The following RAPGEFL1 variants were observed in gnomAD, a reference collection of about 807,000 sequenced individuals.
The protein encoded by RAPGEFL1 is Rap guanine nucleotide exchange factor like 1.
Under a neutral mutation model 64.4 loss-of-function variants are expected in RAPGEFL1, and 31 were observed. That is an observed-to-expected ratio of 0.48 (90% CI 0.36 to 0.65). The LOEUF (loss-of-function observed/expected upper bound fraction) is 0.65, where lower values mean the gene tolerates loss of function less well. RAPGEFL1 is among the 30% of genes least tolerant of loss of function. RAPGEFL1 has a pLI of 0.00. For missense variants in RAPGEFL1, 682 were observed against 677.4 expected (o/e 1.01, Z -0.08); for synonymous variants, 331 against 274.1 (o/e 1.21, Z -2.05).
rs371505694 is a variant in RAPGEFL1 at position 40,184,630 on chromosome 17, G to A, written c.785G>A (p.Arg262Gln). The A allele has an allele frequency of 3.9e-5, 62 of 1,593,772 alleles. No individual in the cohort carries two copies. Among genetic ancestry groups the A allele is most frequent in the Non-Finnish European group, 5.1e-5 (59 of 1,165,752 alleles). Residue 262 changes from arginine (R) to glutamine (Q), a missense_variant, in exon 4 of 15, where the codon CGA becomes CAA. Physicochemically the swap from Arg to Gln is conservative, Grantham distance 43 (BLOSUM62 1). This residue lies in a region of RAPGEFL1 where 271 missense variants were observed against 158.0 expected (regional missense o/e 1.72). Transcript: ENST00000620260. ...GACGAGTCCCTTTACCAGGGCCTCC[G>A]AGAGGACACTCTGAGGCTGCACCAG... is the stretch of plus-strand genomic sequence containing the variant. Reference protein sequence around the residue: ...MKDESLYQGLREDTLRLHQLV... With the variant: ...MKDESLYQGLQEDTLRLHQLV...
intron 8 of RAPGEFL1, 69 bp downstream of exon 8, chr17:40,190,831 G>A (rs1016513153): frequency 3.2e-6 from 5 of 1,586,422 alleles, no homozygotes; most frequent in South Asian, 1.1e-5. Context: ...GACGGTGTTC[G>A]CAGCACAACG....
At chr17:40,186,295 G>A (rs1598441628) in intron 4 of RAPGEFL1, among the ~76,000 whole-genome samples, 1 of 149,214 alleles carries the variant, frequency 6.7e-6, no homozygotes, top group African/African-American at 2.5e-5. Flanking sequence ...AAGGCCGGGC[G>A]CGGTGGCTCA....
In RAPGEFL1 at chr17:40,194,267, G is replaced by A; in HGVS notation, c.*479G>A. The stretch of plus-strand genomic sequence containing the variant: ...TGTGTGTGTGTGTGTGTGTGTGTGT[G>A]TGTGTGTGTGTGTGTGTGTGTGTCT... On this transcript the variant is annotated 3_prime_UTR_variant, in exon 15 of 15. Transcript: ENST00000620260. 5.9e-6 allele frequency: 1 copy of A among 169,508 alleles called. No individual in the cohort carries two copies. The highest frequency in any genetic ancestry group is 1.7e-4 in the East Asian group (1 of 5,996). 10.5% of individuals were successfully genotyped at this position (169,508 alleles called of 1,614,324 possible).
At chr17:40,189,411 A>G in intron 6 of RAPGEFL1, 36 bp downstream of exon 6, 2 of 1,608,750 alleles carry the variant, frequency 1.2e-6, no homozygotes, top group South Asian at 2.2e-5. Context: ...ATGCTCCGAG[A>G]GGAGAAACTC....
intron 1 of RAPGEFL1, chr17:40,181,387 C>G (rs971170510): frequency 1.1e-5 from 7 of 641,912 alleles, no homozygotes; most frequent in East Asian, 3.1e-5. Context: ...CGCGCCCCCC[C>G]CTTCCCTTCA....
At chr17:40,189,775 G>A (rs1990197527) in intron 6 of RAPGEFL1, among the ~76,000 whole-genome samples, 1 of 152,110 alleles carries the variant, frequency 6.6e-6, no homozygotes, top group South Asian at 2.1e-4. Flanking sequence ...ACCCCCCAGG[G>A]GACTCCTATG....
Position 40,192,590 on chromosome 17 carries a change from TC to T in RAPGEFL1, c.1657-14del. ...TGGCCAGTCTGTCCCTTGATCTCTC[TC>T]CTGTGGAATACTAGGACCCCTGCAG... On this transcript the variant is annotated splice_polypyrimidine_tract_variant and intron_variant, in intron 11 of 14. Coordinates refer to ENST00000620260, the MANE Select transcript of RAPGEFL1 (RefSeq NM_016339.6). The T allele has an allele frequency of 6.2e-7, 1 of 1,604,016 alleles. No homozygotes were observed. Among genetic ancestry groups the T allele is most frequent in the Non-Finnish European group, 8.5e-7 (1 of 1,171,984 alleles).
chr17:40,185,783 CAAAAAAA>C (rs750937174), intron 4 of RAPGEFL1, among the ~76,000 whole-genome samples: 19 of 48,930 alleles, frequency 3.9e-4, no homozygotes, highest in Admixed American at 2.1e-3. Context: ...GATTCTGTCT[CAAAAAAA>C]AAAAAAAAAA....
intron 11 of RAPGEFL1, 24 bp from the exon 12 acceptor site, chr17:40,192,582 G>C (rs748256726): frequency 6.3e-7 from 1 of 1,592,664 alleles, no homozygotes; most frequent in Non-Finnish European, 8.6e-7. Flanking sequence ...TCTGTCCCTT[G>C]ATCTCTCTCC....
Position 40,185,452 on chromosome 17 carries a change from G to T in RAPGEFL1, c.833+774G>T, listed in dbSNP as rs1416849819. Among the ~76,000 whole-genome samples the T allele has an allele frequency of 1.7e-4, 25 of 151,158 alleles. No homozygotes were observed. In the Admixed American group the frequency reaches 1.7e-3, roughly 10 times the overall value. On this transcript the variant is annotated intron_variant, in intron 4 of 14. Coordinates refer to ENST00000620260, the MANE Select transcript of RAPGEFL1 (RefSeq NM_016339.6). The stretch of plus-strand genomic sequence containing the variant: ...CCCAGCACTTTGGGAGGTCAAGATG[G>T]GTGGAGCACTTAAGGTCAGGAGTTC...
Position 40,184,337 on chromosome 17 carries a change from C to T in RAPGEFL1, c.723C>T (p.Gly241=), listed in dbSNP as rs772660012. The T allele has an allele frequency of 1.9e-6, 3 of 1,611,322 alleles. No homozygotes were observed. In the African/African-American group the frequency reaches 4.0e-5, roughly 22 times the overall value. The stretch of plus-strand genomic sequence containing the variant: ...TGCTTCAAGAGGAAGAGGGGGCCGG[C>T]CACATCATCAAGGTGGGCCTGGGGG... ...QGLLQEEEGA[G]HIIKDLYLLI... is the part of the protein sequence containing the mutation. The change falls in exon 3 of 15, where the codon GGC becomes GGT. Residue 241 remains glycine, a synonymous_variant. Coordinates refer to ENST00000620260, the MANE Select transcript of RAPGEFL1 (RefSeq NM_016339.6).
In RAPGEFL1 at chr17:40,186,574, C is replaced by CAAAAA. The variant is rs146110920; in HGVS notation, c.833+1927_833+1931dup. Among the ~76,000 whole-genome samples the CAAAAA allele has an allele frequency of 2.7e-3, 72 of 26,288 alleles. 2 individuals carry two copies. The highest frequency in any genetic ancestry group is 4.1e-3 in the South Asian group (1 of 246). 17.2% of individuals were successfully genotyped at this position (26,288 alleles called of 152,430 possible). A position where few individuals can be genotyped will look rare whatever the true frequency, so the allele number is the denominator to read the frequency against. ...TGGGCGACAGAGCGAGACTCCGTCT[C>CAAAAA]AAAAAAAAAAAAAAAAAAAAAAAAA... On this transcript the variant is annotated intron_variant, in intron 4 of 14. Coordinates refer to ENST00000620260, the MANE Select transcript of RAPGEFL1 (RefSeq NM_016339.6).
Position 40,188,849 on chromosome 17 carries a change from A to C in RAPGEFL1, c.834-17A>C, listed in dbSNP as rs768047720. 6.2e-7 allele frequency: 1 copy of C among 1,607,526 alleles called. No homozygotes were observed. Among genetic ancestry groups the C allele is most frequent in the South Asian group, 1.1e-5 (1 of 90,964 alleles). ...TGCCTGGCAGGGCGTGCTGATGCCC[A>C]GCTGTGTCCATGCCAGGATTCCAGA... On this transcript the variant is annotated splice_polypyrimidine_tract_variant and intron_variant, in intron 4 of 14. Coordinates refer to ENST00000620260, the MANE Select transcript of RAPGEFL1 (RefSeq NM_016339.6).
At chr17:40,182,042 C>G (rs1404368754) in intron 2 of RAPGEFL1, among the ~76,000 whole-genome samples, 6 of 151,766 alleles carry the variant, frequency 4.0e-5, no homozygotes, top group Admixed American at 1.3e-4. Flanking sequence ...GAGATCGCGT[C>G]ACTACACTCC....
At chr17:40,192,567 G>C in intron 11 of RAPGEFL1, 39 bp from the exon 12 acceptor site, 2 of 1,536,296 alleles carry the variant, frequency 1.3e-6, no homozygotes, top group Non-Finnish European at 1.8e-6. Flanking sequence ...GGATGCATTG[G>C]CCAGTCTGTC....
chr17:40,191,384 G>A lies in RAPGEFL1; in HGVS notation c.1404G>A (p.Leu468=), dbSNP rs763297989. The change falls in exon 9 of 15, where the codon CTG becomes CTA. Residue 468 remains leucine, a synonymous_variant. Coordinates refer to ENST00000620260, the MANE Select transcript of RAPGEFL1 (RefSeq NM_016339.6). This position sits in a 1 kb window ranked among gnomAD's most constrained non-coding sequence, Gnocchi z 5.1. ...GGGAGACGGCCAACTTGGAGCTGCT[G>A]CTGCAGCGCTGCAGCGAGGTCACGC... is the stretch of plus-strand genomic sequence containing the variant. The part of the protein sequence containing the change: ...GRRETANLEL[L]LQRCSEVTHW... The A allele has an allele frequency of 1.6e-5, 25 of 1,598,478 alleles. No homozygotes were observed. In the South Asian group the frequency reaches 2.2e-4, roughly 14 times the overall value.
chr17:40,191,663 C>A lies in RAPGEFL1; in HGVS notation c.1596C>A (p.Leu532=). The part of the protein sequence containing the change: ...LDNAAVSRLR[L]TWEKLPGKFK... ...ACGCCGCTGTCAGCCGCCTTCGACT[C>A]ACCTGGGAGGTGATGAGACCCCTCC... The change falls in exon 10 of 15, where the codon CTC becomes CTA. Residue 532 remains leucine, a synonymous_variant. Transcript: ENST00000620260. This position sits in a 1 kb window ranked among gnomAD's most constrained non-coding sequence, Gnocchi z 5.1. 6.2e-7 allele frequency: 1 copy of A among 1,611,190 alleles called. No individual in the cohort carries two copies. The highest frequency in any genetic ancestry group is 8.5e-7 in the Non-Finnish European group (1 of 1,179,042).
At chr17:40,186,614 T>TG in intron 4 of RAPGEFL1, among the ~76,000 whole-genome samples, 1 of 69,238 alleles carries the variant, frequency 1.4e-5, no homozygotes, top group East Asian at 4.9e-4. Flanking sequence ...AAAAAAGAGG[T>TG]GGGCTGGGTG....
At chr17:40,181,281 G>T in intron 1 of RAPGEFL1, 1 of 487,802 alleles carries the variant, frequency 2.1e-6, no homozygotes, top group Non-Finnish European at 4.0e-6. Context: ...CACTTCTGTG[G>T]GCTACTTCTT....
Sources: gnomAD v4.1 joint callset for allele counts (sites outside exome capture counted in the v4.1 genomes callset) on GRCh38, gnomAD v4.1.1 for gene constraint, gnomAD v4.1.1 regional missense constraint, Gnocchi (gnomAD v3.1) non-coding constraint, MANE v1.5 for transcripts, NCBI Gene and HGNC (gene_info 2026-07-23, HGNC 2026-07-21) for gene names.